The following KCNH1 variants were observed in gnomAD, a reference collection of about 807,000 sequenced individuals.
KCNH1 encodes the protein potassium voltage-gated channel subfamily H member 1.
KCNH1 carries 27 observed loss-of-function variants against 69.2 expected under a neutral mutation model. The ratio of observed to expected loss-of-function variants is 0.39; its 90% CI spans 0.29 to 0.54. The LOEUF (loss-of-function observed/expected upper bound fraction) is 0.54. Ranked by LOEUF, KCNH1 falls within the 20% of genes least tolerant of loss-of-function variation. The probability of loss-of-function intolerance (pLI) is 0.68; values close to 1 mark genes in which losing one functional copy is unlikely to be tolerated. For synonymous variants in KCNH1, 456 were observed against 487.7 expected, an observed-to-expected ratio of 0.93 and a Z score of 0.86; for missense variants, 798 against 1,261.6, an observed-to-expected ratio of 0.63 and a Z score of 5.57.
intron 6 of KCNH1, among the ~76,000 whole-genome samples, chr1:210,954,003 T>G (rs557508277): frequency 2.1e-4 from 32 of 152,290 alleles, no homozygotes; most frequent in Non-Finnish European, 3.1e-4. Context: ...ACCCATCAAC[T>G]CGTCATTTAC....
At chr1:210,864,325 G>A (rs1017618894) in intron 7 of KCNH1, among the ~76,000 whole-genome samples, 1 of 152,158 alleles carries the variant, frequency 6.6e-6, no homozygotes, top group Admixed American at 6.5e-5. Flanking sequence ...AGAGACTAAG[G>A]CATTGCAGGA....
intron 5 of KCNH1, among the ~76,000 whole-genome samples, chr1:211,021,988 A>C (rs1163963039): frequency 6.6e-6 from 1 of 152,180 alleles, no homozygotes; most frequent in African/African-American, 2.4e-5. Flanking sequence ...TAAAATTTAT[A>C]TGGAATCACA....
intron 7 of KCNH1, among the ~76,000 whole-genome samples, chr1:210,915,731 C>T (rs148025502): frequency 6.6e-6 from 1 of 152,306 alleles, no homozygotes; most frequent in Non-Finnish European, 1.5e-5. Flanking sequence ...GAACTGAAAA[C>T]AGGTATGCTA....
At chr1:210,850,090 G>C (rs976075495) in intron 7 of KCNH1, among the ~76,000 whole-genome samples, 4 of 152,128 alleles carry the variant, frequency 2.6e-5, no homozygotes, top group Non-Finnish European at 5.9e-5. Flanking sequence ...CATTCCCCTA[G>C]CTCTAAGTGT....
At chr1:210,853,179 G>A (rs983578124) in intron 7 of KCNH1, among the ~76,000 whole-genome samples, 1 of 152,260 alleles carries the variant, frequency 6.6e-6, no homozygotes, top group African/African-American at 2.4e-5. Context: ...TACTGGCCAC[G>A]TAAACTTTTG....
In KCNH1 at chr1:210,683,802, G is replaced by C. The variant is rs921482070; in HGVS notation, c.2449C>G (p.Pro817Ala). The C allele has an allele frequency of 1.9e-6, 3 of 1,613,722 alleles. No individual in the cohort carries two copies. In the African/African-American group the frequency reaches 4.0e-5, roughly 22 times the overall value. Residue 817 changes from proline to alanine, a missense_variant, in exon 11 of 11, where the codon CCA (proline) becomes GCA (alanine). Physicochemically the swap from Pro to Ala is conservative, Grantham distance 27. This residue lies in a region of KCNH1 where 331 missense variants were observed against 363.2 expected (regional missense o/e 0.91). Transcript: ENST00000271751. The surrounding 1 kb of genome is among the most constrained non-coding windows in gnomAD (Gnocchi z 5.7). Reference sequence around the variant, plus strand: ...TTGGGGCCCAGGCACTCGGACCCTGGCGCCTGTAGCTTTGCGTGGTCTGGC... The same window carrying C: ...TTGGGGCCCAGGCACTCGGACCCTGCCGCCTGTAGCTTTGCGTGGTCTGGC... ...GVPDHAKLQAPGSECLGPKGG... is the reference protein window; with the variant it reads ...GVPDHAKLQAAGSECLGPKGG...
chr1:210,959,371 G>A (rs908263070), intron 6 of KCNH1, among the ~76,000 whole-genome samples: 1 of 152,162 alleles, frequency 6.6e-6, no homozygotes, highest in Non-Finnish European at 1.5e-5. Context: ...CCACATGGGG[G>A]CCAGGGACCC....
intron 5 of KCNH1, among the ~76,000 whole-genome samples, chr1:211,036,606 T>C (rs1000444691): frequency 3.9e-4 from 60 of 152,272 alleles, no homozygotes; most frequent in African/African-American, 1.3e-3. Context: ...ATACAGACCT[T>C]GTCCAGTCAT....
chr1:210,892,668 T>C (rs1304345828), intron 7 of KCNH1, among the ~76,000 whole-genome samples: 1 of 152,058 alleles, frequency 6.6e-6, no homozygotes, highest in Non-Finnish European at 1.5e-5. Context: ...ATGGCAAAAA[T>C]GGACCCCAAA....
At chr1:210,737,623 T>C (rs941562156) in intron 10 of KCNH1, among the ~76,000 whole-genome samples, 1 of 152,118 alleles carries the variant, frequency 6.6e-6, no homozygotes, top group African/African-American at 2.4e-5. Context: ...AACTCTCAAT[T>C]CCTACATGCC....
At chr1:211,106,333 C>T (rs1691346279) in intron 2 of KCNH1, among the ~76,000 whole-genome samples, 1 of 152,258 alleles carries the variant, frequency 6.6e-6, no homozygotes, top group Non-Finnish European at 1.5e-5. Context: ...GCTTTTCTAA[C>T]ACCACGGCCC....
At chr1:211,123,644 G>A (rs111337674) in intron 1 of KCNH1, among the ~76,000 whole-genome samples, 5,828 of 152,262 alleles carry the variant, frequency 0.038, 343 homozygotes, top group African/African-American at 0.13. Flanking sequence ...AAGACAGACA[G>A]ATGGAGAAAG....
At chr1:210,709,048 C>T (rs61829468) in intron 10 of KCNH1, among the ~76,000 whole-genome samples, 9,663 of 152,140 alleles carry the variant, frequency 0.064, 368 homozygotes, top group East Asian at 0.098. Context: ...GCCAGTAGCT[C>T]GAGACCAGCC....
intron 7 of KCNH1, among the ~76,000 whole-genome samples, chr1:210,846,239 G>C (rs374504841): frequency 1.9e-4 from 29 of 152,078 alleles, no homozygotes; most frequent in African/African-American, 2.7e-4. Context: ...CTTTAAAGTT[G>C]ATATGGAACC....
chr1:210,728,144 T>C (rs1558443216), intron 10 of KCNH1, among the ~76,000 whole-genome samples: 3 of 152,174 alleles, frequency 2.0e-5, no homozygotes, highest in Non-Finnish European at 2.9e-5. Context: ...TGAAGGAAGG[T>C]TGGTAAACAA....
intron 6 of KCNH1, among the ~76,000 whole-genome samples, chr1:210,953,615 C>T (rs1688105493): frequency 6.6e-6 from 1 of 152,148 alleles, no homozygotes; most frequent in Non-Finnish European, 1.5e-5. Context: ...GTGTAACCTC[C>T]TCCAATCTGT....
intron 10 of KCNH1, among the ~76,000 whole-genome samples, chr1:210,705,180 G>T (rs747423857): frequency 6.6e-6 from 1 of 152,188 alleles, no homozygotes; most frequent in East Asian, 1.9e-4. Context: ...GTGGGGAAAA[G>T]AGCCGAGGGC....
intron 10 of KCNH1, among the ~76,000 whole-genome samples, chr1:210,763,068 C>T (rs1266865367): frequency 6.6e-6 from 1 of 152,082 alleles, no homozygotes; most frequent in African/African-American, 2.4e-5. Context: ...GATGGTTCAA[C>T]ATGTGCAAAT....
chr1:210,831,596 G>A (rs1378409225), intron 7 of KCNH1, among the ~76,000 whole-genome samples: 5 of 152,128 alleles, frequency 3.3e-5, no homozygotes, highest in African/African-American at 1.2e-4. Context: ...ACACTCATGA[G>A]GTCTAATAGC....
Sources: gnomAD v4.1 joint callset for allele counts (sites outside exome capture counted in the v4.1 genomes callset) on GRCh38, gnomAD v4.1.1 for gene constraint, gnomAD v4.1.1 regional missense constraint, Gnocchi (gnomAD v3.1) non-coding constraint, MANE v1.5 for transcripts, NCBI Gene and HGNC (gene_info 2026-07-23, HGNC 2026-07-21) for gene names.